The following EXOC4 variants were observed in gnomAD, a reference collection of about 807,000 sequenced individuals.
The protein encoded by EXOC4 is exocyst complex component 4, also known as SEC8-like 1.
In EXOC4, 71 loss-of-function variants were observed where a neutral mutation model predicts 107.2. The ratio of observed to expected loss-of-function variants is 0.66; its 90% CI spans 0.55 to 0.81. The LOEUF (loss-of-function observed/expected upper bound fraction) is 0.81. Ranked by LOEUF, EXOC4 falls within the 30% of genes least tolerant of loss-of-function variation. The pLI is 0.00. For synonymous variants in EXOC4, 456 were observed against 441.2 expected (o/e 1.03, Z -0.42); for missense variants, 1,108 against 1,189.6 (o/e 0.93, Z 1.01).
intron 10 of EXOC4, among the ~76,000 whole-genome samples, chr7:133,701,414 A>G (rs1794652684): frequency 6.6e-6 from 1 of 152,152 alleles, no homozygotes; most frequent in African/African-American, 2.4e-5. Context: ...TGTTTTAGAC[A>G]CTGTTAAGGA....
intron 10 of EXOC4, among the ~76,000 whole-genome samples, chr7:133,648,325 C>CT (rs1012373940): frequency 2.0e-5 from 3 of 152,162 alleles, no homozygotes; most frequent in Admixed American, 6.5e-5. Context: ...ACAGGACTGT[C>CT]TCCTTTATAA....
intron 11 of EXOC4, among the ~76,000 whole-genome samples, chr7:133,856,209 C>A (rs146448716): frequency 2.6e-5 from 4 of 152,314 alleles, no homozygotes; most frequent in African/African-American, 9.6e-5. Flanking sequence ...AGCTATAAAA[C>A]GGAAGTAATA....
intron 8 of EXOC4, among the ~76,000 whole-genome samples, chr7:133,476,164 T>A (rs952623090): frequency 1.3e-5 from 2 of 152,172 alleles, no homozygotes; most frequent in Non-Finnish European, 2.9e-5. Context: ...TAGCTAACGT[T>A]TATTGAGTTC....
intron 9 of EXOC4, among the ~76,000 whole-genome samples, chr7:133,622,501 G>A (rs561133118): frequency 3.9e-5 from 6 of 152,234 alleles, no homozygotes; most frequent in Non-Finnish European, 8.8e-5. Context: ...ACAGGAAAAC[G>A]TAGAGTTCTA....
At chr7:133,501,280 A>G (rs1046284568) in intron 9 of EXOC4, among the ~76,000 whole-genome samples, 8 of 152,192 alleles carry the variant, frequency 5.3e-5, no homozygotes, top group Non-Finnish European at 1.2e-4. Context: ...TTAAGACTTT[A>G]TGTTTTTCTT....
chr7:133,541,646 G>A (rs1314046483), intron 9 of EXOC4, among the ~76,000 whole-genome samples: 6 of 151,820 alleles, frequency 4.0e-5, no homozygotes, highest in Non-Finnish European at 7.4e-5. Context: ...ACTACAGGCA[G>A]GCACCACCAT....
intron 5 of EXOC4, among the ~76,000 whole-genome samples, chr7:133,355,886 C>T (rs1174842067): frequency 6.6e-6 from 1 of 151,922 alleles, no homozygotes; most frequent in African/African-American, 2.4e-5. Flanking sequence ...ATCACTCTTC[C>T]CCCTGTGTGT....
At chr7:133,750,508 A>C (rs1342309678) in intron 10 of EXOC4, among the ~76,000 whole-genome samples, 1 of 152,138 alleles carries the variant, frequency 6.6e-6, no homozygotes, top group Non-Finnish European at 1.5e-5. Context: ...ATCCAGCTTT[A>C]AAACTATGGT....
Position 133,340,242 on chromosome 7 carries a change from G to GT in EXOC4, c.764-16082dup, listed in dbSNP as rs369883897. Among the ~76,000 whole-genome samples, 563 of 152,130 alleles carry GT rather than the reference G, an allele frequency of 3.7e-3. 6 individuals are homozygous for GT. The highest frequency in any genetic ancestry group is 0.013 in the African/African-American group (525 of 41,516). On this transcript the variant is annotated intron_variant, in intron 5 of 17. Coordinates refer to ENST00000253861, the MANE Select transcript of EXOC4 (RefSeq NM_021807.4). ...AAAGTGATGCTGGATTTCGTCCAAT[G>GT]TTTTTTCTGCATCTATTGAAATGAT...
intron 9 of EXOC4, among the ~76,000 whole-genome samples, chr7:133,493,120 A>G (rs1032321280): frequency 1.3e-5 from 2 of 152,200 alleles, no homozygotes; most frequent in African/African-American, 4.8e-5. Context: ...TAACACATGT[A>G]AAATGTTTAA....
At chr7:133,761,492 G>C (rs1163606126) in intron 10 of EXOC4, among the ~76,000 whole-genome samples, 1 of 152,090 alleles carries the variant, frequency 6.6e-6, no homozygotes, top group Non-Finnish European at 1.5e-5. Context: ...ATGGAATTTA[G>C]AACTGGAAAG....
chr7:133,665,008 C>G (rs1055540668), intron 10 of EXOC4, among the ~76,000 whole-genome samples: 5 of 152,162 alleles, frequency 3.3e-5, no homozygotes, highest in African/African-American at 1.2e-4. Context: ...GGGGGAATCT[C>G]TACTTTGTTA....
chr7:133,917,859 A>G (rs1365055364), intron 13 of EXOC4, 121 bp downstream of exon 13: 3 of 941,994 alleles, frequency 3.2e-6, no homozygotes, highest in Non-Finnish European at 4.6e-6. Context: ...ACTTGAACTT[A>G]GTAAAATATG....
intron 14 of EXOC4, among the ~76,000 whole-genome samples, chr7:133,976,062 A>C (rs1229933891): frequency 1.3e-5 from 2 of 152,190 alleles, no homozygotes; most frequent in Non-Finnish European, 2.9e-5. Context: ...TATAGCAAGC[A>C]CACAAAATGT....
intron 9 of EXOC4, among the ~76,000 whole-genome samples, chr7:133,552,288 T>C (rs1213783350): frequency 1.3e-5 from 2 of 152,154 alleles, no homozygotes; most frequent in Non-Finnish European, 2.9e-5. Context: ...TCAGCTAGCA[T>C]TGTTTTACAT....
In EXOC4 at chr7:133,895,751, G is replaced by T. The variant is rs1421009937; in HGVS notation, c.1871+16G>T. ...CAGCTTACAGGTAGAGCTTCTGTTAGGGGCTAAGCAAAGTAACGTTTGAGC... is the reference window on the plus strand; with the variant it reads ...CAGCTTACAGGTAGAGCTTCTGTTATGGGCTAAGCAAAGTAACGTTTGAGC... On this transcript the variant is annotated intron_variant, in intron 12 of 17. Transcript: ENST00000253861. 1.2e-6 allele frequency: 2 copies of T among 1,604,584 alleles called. No homozygotes were observed. The highest frequency in any genetic ancestry group is 1.3e-5 in the African/African-American group (1 of 74,718).
At chr7:134,069,426 T>G (rs1310779067), downstream of EXOC4, among the ~76,000 whole-genome samples, 2 of 147,472 alleles carry the variant, frequency 1.4e-5, no homozygotes. Flanking sequence ...CTTCCTCCTC[T>G]TCTCCTCCTC....
intron 10 of EXOC4, among the ~76,000 whole-genome samples, chr7:133,787,092 T>C (rs533467109): frequency 2.6e-4 from 39 of 152,256 alleles, no homozygotes; most frequent in Non-Finnish European, 5.6e-4. Context: ...ATAACAACAA[T>C]AATGATAAGC....
Position 133,864,309 on chromosome 7 carries a change from A to G in EXOC4, c.1735-31290A>G, listed in dbSNP as rs147563519. Among the ~76,000 whole-genome samples, 263 of 152,288 alleles carry G rather than the reference A, an allele frequency of 1.7e-3. 2 individuals carry two copies. In the East Asian group the frequency reaches 0.033, roughly 19 times the overall value. On this transcript the variant is annotated intron_variant, in intron 11 of 17. Transcript: ENST00000253861. ...ATTTCTTCTATTTGGTAGAGAGGAA[A>G]ATTATATGACTTAGTTAATATAGCA...
Sources: gnomAD v4.1 joint callset for allele counts (sites outside exome capture counted in the v4.1 genomes callset) on GRCh38, gnomAD v4.1.1 for gene constraint, MANE v1.5 for transcripts, NCBI Gene and HGNC (gene_info 2026-07-23, HGNC 2026-07-21) for gene names.